The following DTNA variants were observed in gnomAD, a reference collection of about 807,000 sequenced individuals.
DTNA encodes dystrophin-related protein 3.
Under a neutral mutation model 100.7 loss-of-function variants are expected in DTNA, and 43 were observed. The ratio of observed to expected loss-of-function variants is 0.43; its 90% CI spans 0.33 to 0.55. The LOEUF (loss-of-function observed/expected upper bound fraction) is 0.55, where lower values mean the gene tolerates loss of function less well. Ranked by LOEUF, DTNA falls within the 20% of genes least tolerant of loss-of-function variation. The pLI is 0.04. For missense variants in DTNA, 798 were observed against 953.9 expected, an observed-to-expected ratio of 0.84 and a Z score of 2.15; for synonymous variants, 349 against 347.9, an observed-to-expected ratio of 1.00 and a Z score of -0.04.
chr18:34,527,144 A>G (rs1435092559), intron 1 of DTNA, among the ~76,000 whole-genome samples: 2 of 151,922 alleles, frequency 1.3e-5, no homozygotes, highest in Non-Finnish European at 2.9e-5. Flanking sequence ...GTGCAAACAC[A>G]CAGGTATATG....
At position 34,796,498 on chromosome 18, in the gene DTNA, A is replaced by G. The variant is rs145058705; in HGVS notation, c.362+2248A>G. Reference sequence around the variant, plus strand: ...GAGAACCGTCTGTATTTTGGCAGACATGAATGATCCTGATACTACTAAAAG... The same window carrying G: ...GAGAACCGTCTGTATTTTGGCAGACGTGAATGATCCTGATACTACTAAAAG... On this transcript the variant is annotated intron_variant, in intron 4 of 22. Coordinates refer to ENST00000444659, the MANE Select transcript of DTNA (RefSeq NM_001386795.1). 6.2e-3 allele frequency among the ~76,000 whole-genome samples: 950 copies of G among 152,348 alleles called. 14 individuals carry two copies. The highest frequency in any genetic ancestry group is 0.022 in the African/African-American group (897 of 41,584).
At chr18:34,628,473 A>C (rs956049479) in intron 1 of DTNA, among the ~76,000 whole-genome samples, 6 of 152,238 alleles carry the variant, frequency 3.9e-5, no homozygotes, top group African/African-American at 1.2e-4. Context: ...TTTGTGAAGA[A>C]AGACTCATAT....
intron 1 of DTNA, among the ~76,000 whole-genome samples, chr18:34,583,109 A>G (rs1282851985): frequency 2.0e-5 from 3 of 152,236 alleles, no homozygotes; most frequent in Non-Finnish European, 4.4e-5. Context: ...ATTTATAATT[A>G]TATATGTTCA....
chr18:34,810,865 A>C (rs896516782), intron 5 of DTNA, among the ~76,000 whole-genome samples: 5 of 152,226 alleles, frequency 3.3e-5, no homozygotes, highest in African/African-American at 1.2e-4. Context: ...CTCATGGTTA[A>C]TAAACTATTT....
chr18:34,590,728 T>G (rs2049628570), intron 1 of DTNA, among the ~76,000 whole-genome samples: 1 of 152,214 alleles, frequency 6.6e-6, no homozygotes, highest in African/African-American at 2.4e-5. Context: ...AAGCAAGCCC[T>G]AGAAGCTGTT....
chr18:34,827,905 C>T (rs572206102), intron 10 of DTNA, among the ~76,000 whole-genome samples: 381 of 152,082 alleles, frequency 2.5e-3, no homozygotes, highest in Non-Finnish European at 4.6e-3. Context: ...TATAATTTAC[C>T]CACAGTAAGA....
At chr18:34,520,424 G>A (rs1601421879) in intron 1 of DTNA, among the ~76,000 whole-genome samples, 1 of 152,082 alleles carries the variant, frequency 6.6e-6, no homozygotes, top group African/African-American at 2.4e-5. Context: ...GGCCGAGGTG[G>A]GTGGATCACC....
chr18:34,501,072 G>A (rs1198365110), intron 1 of DTNA, among the ~76,000 whole-genome samples: 1 of 152,146 alleles, frequency 6.6e-6, no homozygotes, highest in Non-Finnish European at 1.5e-5. Context: ...TCTGCATTAA[G>A]TATAATGTTA....
intron 1 of DTNA, among the ~76,000 whole-genome samples, chr18:34,680,241 T>C (rs1413757062): frequency 5.9e-5 from 9 of 152,122 alleles, no homozygotes; most frequent in Admixed American, 5.9e-4. Flanking sequence ...AATGAATAAA[T>C]ATATTTTACA....
chr18:34,670,786 T>C (rs1407296065), intron 1 of DTNA, among the ~76,000 whole-genome samples: 1 of 152,162 alleles, frequency 6.6e-6, no homozygotes, highest in Non-Finnish European at 1.5e-5. Flanking sequence ...TCTGGAGGTT[T>C]TGTCTCAGAG....
At chr18:34,874,065 G>A (rs1230963787) in intron 17 of DTNA, among the ~76,000 whole-genome samples, 1 of 152,126 alleles carries the variant, frequency 6.6e-6, no homozygotes, top group African/African-American at 2.4e-5. Flanking sequence ...ACAATTATGC[G>A]TGATGCTGAG....
intron 1 of DTNA, among the ~76,000 whole-genome samples, chr18:34,702,380 C>T (rs1264791111): frequency 2.0e-5 from 3 of 152,260 alleles, no homozygotes; most frequent in African/African-American, 4.8e-5. Flanking sequence ...ATAACAGAGA[C>T]GATACAAGTC....
chr18:34,591,334 C>G (rs775918970), intron 1 of DTNA, among the ~76,000 whole-genome samples: 18 of 152,108 alleles, frequency 1.2e-4, no homozygotes, highest in Non-Finnish European at 1.8e-4. Context: ...AAGACAAATA[C>G]AAAACATATT....
At chr18:34,773,322 C>T (rs1167448499) in intron 3 of DTNA, among the ~76,000 whole-genome samples, 1 of 152,148 alleles carries the variant, frequency 6.6e-6, no homozygotes, top group Non-Finnish European at 1.5e-5. Context: ...TCTTGTATTT[C>T]TCAGATAACG....
At chr18:34,579,755 G>T (rs931732445) in intron 1 of DTNA, among the ~76,000 whole-genome samples, 1 of 152,172 alleles carries the variant, frequency 6.6e-6, no homozygotes, top group African/African-American at 2.4e-5. Context: ...TCAACGTGTT[G>T]TTGGTGGTGG....
chr18:34,857,532 C>T (rs145454391), intron 15 of DTNA, among the ~76,000 whole-genome samples: 205 of 152,314 alleles, frequency 1.3e-3, no homozygotes, highest in African/African-American at 4.7e-3. Flanking sequence ...GCCTAATGCT[C>T]ACCAAATGCA....
intron 3 of DTNA, among the ~76,000 whole-genome samples, chr18:34,777,914 G>A (rs1310794606): frequency 1.3e-5 from 2 of 152,186 alleles, no homozygotes; most frequent in Non-Finnish European, 2.9e-5. Flanking sequence ...TTCCTCTTAA[G>A]TGATCTGAAC....
intron 1 of DTNA, among the ~76,000 whole-genome samples, chr18:34,650,301 C>T (rs1258242597): frequency 2.0e-5 from 3 of 151,934 alleles, no homozygotes; most frequent in African/African-American, 7.3e-5. Flanking sequence ...GCAGAAAGAC[C>T]ATGAGTCAGA....
chr18:34,511,925 G>T (rs1301822719), intron 1 of DTNA, among the ~76,000 whole-genome samples: 1 of 151,990 alleles, frequency 6.6e-6, no homozygotes, highest in Non-Finnish European at 1.5e-5. Flanking sequence ...ATTGGCTTGA[G>T]CTTCCACTAG....
Sources: gnomAD v4.1 joint callset for allele counts (sites outside exome capture counted in the v4.1 genomes callset) on GRCh38, gnomAD v4.1.1 for gene constraint, MANE v1.5 for transcripts, NCBI Gene and HGNC (gene_info 2026-07-23, HGNC 2026-07-21) for gene names.